TBC1D5: variants seen among roughly 807,000 people sequenced by gnomAD.
TBC1D5 encodes the protein TBC1 domain family, member 5.
TBC1D5 carries 75 observed loss-of-function variants against 100.3 expected under a neutral mutation model. The observed-to-expected ratio is 0.75, with a 90% CI of 0.62 to 0.91. The LOEUF (loss-of-function observed/expected upper bound fraction) is 0.91. Ranked by LOEUF, TBC1D5 falls within the 40% of genes least tolerant of loss-of-function variation. The pLI is 0.00. For missense variants in TBC1D5, 910 were observed against 942.4 expected (o/e 0.97, Z 0.45); for synonymous variants, 323 against 325.6 (o/e 0.99, Z 0.09).
At chr3:17,382,934 C>T (rs1438616613) in intron 9 of TBC1D5, among the ~76,000 whole-genome samples, 1 of 151,834 alleles carries the variant, frequency 6.6e-6, no homozygotes, top group Non-Finnish European at 1.5e-5. Context: ...CTTTTGGTTG[C>T]CCTTATAAAT....
At chr3:17,581,998 C>T (rs1296408599) in intron 2 of TBC1D5, among the ~76,000 whole-genome samples, 3 of 152,192 alleles carry the variant, frequency 2.0e-5, no homozygotes, top group Non-Finnish European at 4.4e-5. Flanking sequence ...GTTACCTTAT[C>T]GGTGAGGCTT....
chr3:17,288,885 T>C (rs1313681454), intron 15 of TBC1D5, among the ~76,000 whole-genome samples: 1 of 152,102 alleles, frequency 6.6e-6, no homozygotes, highest in Non-Finnish European at 1.5e-5. Context: ...CGACCCCTTG[T>C]GATGGGAAGC....
At chr3:17,353,652 G>T (rs2090893467) in intron 13 of TBC1D5, among the ~76,000 whole-genome samples, 1 of 151,786 alleles carries the variant, frequency 6.6e-6, no homozygotes, top group Admixed American at 6.6e-5. Flanking sequence ...TAAGCCAAAA[G>T]GTTAAGATTC....
intron 17 of TBC1D5, among the ~76,000 whole-genome samples, chr3:17,219,716 A>C (rs915597647): frequency 2.6e-5 from 4 of 152,056 alleles, no homozygotes; most frequent in Non-Finnish European, 4.4e-5. Flanking sequence ...GTTACTTACT[A>C]GTTTTCAAAG....
chr3:17,375,460 G>A (rs112886116), intron 10 of TBC1D5, among the ~76,000 whole-genome samples: 9,297 of 151,902 alleles, frequency 0.061, 554 homozygotes, highest in African/African-American at 0.16. Flanking sequence ...TCAGCTACTC[G>A]GGAGTCTGAG....
At chr3:17,227,796 C>A (rs1356142729) in intron 17 of TBC1D5, among the ~76,000 whole-genome samples, 1 of 151,416 alleles carries the variant, frequency 6.6e-6, no homozygotes, top group African/African-American at 2.4e-5. Flanking sequence ...AACCCCCATG[C>A]CACACGTTTA....
chr3:17,209,088 C>G (rs1370106671), intron 18 of TBC1D5, among the ~76,000 whole-genome samples: 1 of 152,194 alleles, frequency 6.6e-6, no homozygotes, highest in East Asian at 1.9e-4. Context: ...CCAGAAACAA[C>G]CATTTTAAAT....
At chr3:17,362,895 A>T (rs1302297177) in intron 13 of TBC1D5, among the ~76,000 whole-genome samples, 2 of 152,134 alleles carry the variant, frequency 1.3e-5, no homozygotes, top group East Asian at 3.8e-4. Flanking sequence ...ATCCTGCAAA[A>T]CTACAGTCCA....
At chr3:17,330,638 G>A (rs2086752155) in intron 13 of TBC1D5, among the ~76,000 whole-genome samples, 1 of 152,004 alleles carries the variant, frequency 6.6e-6, no homozygotes, top group Non-Finnish European at 1.5e-5. Flanking sequence ...TCCACCTTCT[G>A]TCTTGAAAGT....
At chr3:17,284,111 C>CACACACACACACACACACACACAT (rs1457430013) in intron 15 of TBC1D5, among the ~76,000 whole-genome samples, 69 of 150,978 alleles carry the variant, frequency 4.6e-4, no homozygotes, top group African/African-American at 1.6e-3. Flanking sequence ...CACACACACA[C>CACACACACACACACACACACACAT]ACACACACAC....
chr3:17,457,340 T>C (rs76974856), intron 3 of TBC1D5, among the ~76,000 whole-genome samples: 3,480 of 152,256 alleles, frequency 0.023, 83 homozygotes, highest in Non-Finnish European at 0.03. Context: ...ATATTTCTCA[T>C]GGTTCTTGGG....
At chr3:17,507,706 T>C (rs776052921) in intron 3 of TBC1D5, among the ~76,000 whole-genome samples, 3 of 152,208 alleles carry the variant, frequency 2.0e-5, no homozygotes, top group Non-Finnish European at 2.9e-5. Flanking sequence ...ACAATCTTGA[T>C]ACCTGCATTC....
intron 15 of TBC1D5, 144 bp downstream of exon 15, chr3:17,291,751 G>A (rs1403990995): frequency 3.0e-6 from 2 of 671,100 alleles, no homozygotes; most frequent in Non-Finnish European, 4.9e-6. Flanking sequence ...TATGGGTTTT[G>A]GCCTACAACT....
chr3:17,265,526 A>G (rs2078757124), intron 15 of TBC1D5, among the ~76,000 whole-genome samples: 1 of 152,182 alleles, frequency 6.6e-6, no homozygotes, highest in South Asian at 2.1e-4. Flanking sequence ...TATTGCCTCA[A>G]TGCTGGGGGG....
chr3:17,399,863 A>G (rs192703348), intron 8 of TBC1D5, among the ~76,000 whole-genome samples: 135 of 152,098 alleles, frequency 8.9e-4, no homozygotes, highest in African/African-American at 3.2e-3. Flanking sequence ...CTCTGTCTAC[A>G]TGTTCTTGCC....
chr3:17,370,765 A>C (rs1176308614), intron 13 of TBC1D5, among the ~76,000 whole-genome samples: 1 of 152,158 alleles, frequency 6.6e-6, no homozygotes, highest in Admixed American at 6.6e-5. Context: ...GGGTTAAATA[A>C]ACAGACCCTG....
chr3:17,716,263 T>C (rs2075230973), intron 1 of TBC1D5, among the ~76,000 whole-genome samples: 1 of 152,274 alleles, frequency 6.6e-6, no homozygotes, highest in East Asian at 1.9e-4. Flanking sequence ...CCAGAACTCA[T>C]CTTAGTCAGA....
At chr3:17,358,320 T>C (rs1224095447) in intron 13 of TBC1D5, among the ~76,000 whole-genome samples, 1 of 151,956 alleles carries the variant, frequency 6.6e-6, no homozygotes, top group African/African-American at 2.4e-5. Flanking sequence ...GAGTAGCTGG[T>C]ATTACAGGCA....
rs79673302 is a variant in TBC1D5, at chr3:17,163,040, T to G, written c.2095-1784A>C. Among the ~76,000 whole-genome samples, 1,302 of 152,328 alleles carry G rather than the reference T, an allele frequency of 8.5e-3. 16 individuals carry two copies. The highest frequency in any genetic ancestry group is 0.028 in the African/African-American group (1,148 of 41,574). On this transcript the variant is annotated intron_variant, in intron 21 of 21. Transcript: ENST00000253692. ...AGTGGTGCCTCTACTTCAGAGATACTGAGATCACTTATTCTCCTTTAGCTT... is the reference window on the plus strand; with the variant it reads ...AGTGGTGCCTCTACTTCAGAGATACGGAGATCACTTATTCTCCTTTAGCTT...
Sources: allele counts gnomAD v4.1 joint callset (sites outside exome capture counted in the v4.1 genomes callset), GRCh38; gene constraint gnomAD v4.1.1; transcripts MANE v1.5; gene names NCBI Gene and HGNC (gene_info 2026-07-23, HGNC 2026-07-21).